The following DNM1 variants were observed in gnomAD, a reference collection of about 807,000 sequenced individuals.
DNM1 encodes the protein dynamin-1.
In DNM1, 29 loss-of-function variants were observed where a neutral mutation model predicts 104.6. The observed-to-expected ratio is 0.28, with a 90% CI of 0.21 to 0.38. The LOEUF is 0.38. DNM1 is among the 10% of genes least tolerant of loss of function. The pLI is 1.00. For missense variants in DNM1, 640 were observed against 1,189.4 expected (o/e 0.54, Z 6.79); for synonymous variants, 445 against 475.8 (o/e 0.94, Z 0.84).
chr9:128,243,390 G>GA lies in DNM1; in HGVS notation c.1671+1045_1671+1046insA, dbSNP rs747828418. 1.5e-5 allele frequency among the ~76,000 whole-genome samples: 2 copies of GA among 129,430 alleles called. No homozygotes were observed. Among genetic ancestry groups the GA allele is most frequent in the Admixed American group, 8.2e-5 (1 of 12,156 alleles). 84.9% of individuals were successfully genotyped at this position (129,430 alleles called of 152,430 possible). A position where few individuals can be genotyped will look rare whatever the true frequency, so the allele number is the denominator to read the frequency against. The stretch of plus-strand genomic sequence containing the variant: ...TGTTGGAGGCTACAGCATCCTCAAC[G>GA]GGGGAGCGGGGCTCTGGGTGGGGCC... On this transcript the variant is annotated intron_variant, in intron 15 of 21. Transcript: ENST00000372923. The surrounding 1 kb of genome is among the most constrained non-coding windows in gnomAD (Gnocchi z 4.0).
chr9:128,242,631 G>C (rs1263417163), intron 15 of DNM1, among the ~76,000 whole-genome samples: 1 of 152,104 alleles, frequency 6.6e-6, no homozygotes, highest in Non-Finnish European at 1.5e-5. Context: ...GTGTTGGCGG[G>C]CGCCTGTAAT....
intron 14 of DNM1, among the ~76,000 whole-genome samples, chr9:128,241,864 A>G (rs560787120): frequency 6.6e-6 from 1 of 152,220 alleles, no homozygotes; most frequent in Admixed American, 6.5e-5. Flanking sequence ...TCAGAAACAC[A>G]TCTCAGAACA....
chr9:128,205,180 G>A (rs1033958474), intron 1 of DNM1, among the ~76,000 whole-genome samples: 3 of 152,150 alleles, frequency 2.0e-5, no homozygotes, highest in Non-Finnish European at 4.4e-5. Context: ...GACACACCAC[G>A]GGCCCCTTCC....
intron 1 of DNM1, among the ~76,000 whole-genome samples, chr9:128,210,844 TCTC>T (rs2131109759): frequency 6.6e-6 from 1 of 151,712 alleles, no homozygotes; most frequent in East Asian, 1.9e-4. Context: ...CACCTCAGTG[TCTC>T]CTCCTCTCCT....
chr9:128,246,603 AG>A (rs1437190013), intron 16 of DNM1, 100 bp downstream of exon 16: 3 of 796,020 alleles, frequency 3.8e-6, no homozygotes, highest in Non-Finnish European at 6.4e-6. Context: ...AACCTCCCCT[AG>A]GCCCCACAGC....
In DNM1 at chr9:128,218,595, C is replaced by G; in HGVS notation, c.249C>G (p.Phe83Leu). ...CTTCTGGAGCAGAATATGCCGAGTT[C>G]CTGCACTGCAAGGGAAAGAAATTCA... ...LVNATTEYAE[F>L]LHCKGKKFTD... The change falls in exon 3 of 22, where the codon TTC becomes TTG. Residue 83 changes from phenylalanine to leucine, a missense_variant. Around this residue, in one of 7 missense-constraint regions of DNM1, gnomAD observed 172 missense variants for 335.3 expected, o/e 0.51. Coordinates refer to ENST00000372923, the MANE Select transcript of DNM1 (RefSeq NM_004408.4). This position sits in a 1 kb window ranked among gnomAD's most constrained non-coding sequence, Gnocchi z 4.8. 6.2e-7 allele frequency: 1 copy of G among 1,612,174 alleles called. No homozygotes were observed. Among genetic ancestry groups the G allele is most frequent in the Non-Finnish European group, 8.5e-7 (1 of 1,178,562 alleles).
chr9:128,222,931 G>T lies in DNM1; in HGVS notation c.1196+71G>T. On this transcript the variant is annotated intron_variant, in intron 9 of 21. Transcript: ENST00000372923. The surrounding 1 kb of genome is among the most constrained non-coding windows in gnomAD (Gnocchi z 7.8). ...GGTCTGGGACAGAGGCACAGGGAGT[G>T]ATGAAGTGGGCCTCCCTCAGGAAGG... 1 of 1,426,582 alleles carries T rather than the reference G, an allele frequency of 7.0e-7. No homozygotes were observed. The highest frequency in any genetic ancestry group is 1.2e-5 in the South Asian group (1 of 86,894). The allele number at this position is 1,426,582 out of a possible 1,614,324, so 88.4% of individuals were successfully genotyped here. A position where few individuals can be genotyped will look rare whatever the true frequency, so the allele number is the denominator to read the frequency against.
intron 20 of DNM1, 90 bp from the exon 21 acceptor site, chr9:128,250,635 C>T (rs1389961234): frequency 1.7e-6 from 2 of 1,165,118 alleles, no homozygotes; most frequent in Non-Finnish European, 2.3e-6. Flanking sequence ...CGTGCATGGG[C>T]GTGGCCAGCA....
rs1375813693 is a variant in DNM1, at chr9:128,203,751, G to A, written c.161+120G>A. Reference sequence around the variant, plus strand: ...CCGACGCTGCACCCGCGGCCGGCGCGCCCCCCACCCCCAGCCGGAGCGAGG... The same window carrying A: ...CCGACGCTGCACCCGCGGCCGGCGCACCCCCCACCCCCAGCCGGAGCGAGG... On this transcript the variant is annotated intron_variant, in intron 1 of 21. Transcript: ENST00000372923. This position sits in a 1 kb window ranked among gnomAD's most constrained non-coding sequence, Gnocchi z 5.3. 5.6e-5 allele frequency: 52 copies of A among 930,614 alleles called. No homozygotes were observed. The highest frequency in any genetic ancestry group is 7.8e-5 in the South Asian group (2 of 25,648). The allele number at this position is 930,614 out of a possible 1,614,324, so 57.6% of individuals were successfully genotyped here. A position where few individuals can be genotyped will look rare whatever the true frequency, so the allele number is the denominator to read the frequency against.
intron 1 of DNM1, among the ~76,000 whole-genome samples, chr9:128,206,511 A>C (rs1474500044): frequency 1.3e-5 from 2 of 152,120 alleles, no homozygotes; most frequent in African/African-American, 4.8e-5. Flanking sequence ...AGACAACTGG[A>C]AAATGTGGTG....
chr9:128,211,703 T>C (rs1364694458), intron 1 of DNM1, among the ~76,000 whole-genome samples: 1 of 152,076 alleles, frequency 6.6e-6, no homozygotes, highest in East Asian at 1.9e-4. Context: ...TGTCTTCCTC[T>C]TTCACTGGGT....
chr9:128,221,031 T>TTCTTTCTCTCTTTCTTTCTC (rs751060422), intron 6 of DNM1: 1 of 140,054 alleles, frequency 7.1e-6, no homozygotes, highest in Non-Finnish European at 1.5e-5. Flanking sequence ...TTCTCTTTCT[T>TTCTTTCTCTCTTTCTTTCTC]TCTTTCTCTC....
chr9:128,220,742 C>CACGCGCGT lies in DNM1; in HGVS notation c.849+401_849+402insACGCGCGT, dbSNP rs1554773803. Among the ~76,000 whole-genome samples, 2 of 136,278 alleles carry CACGCGCGT rather than the reference C, an allele frequency of 1.5e-5. No homozygotes were observed. The highest frequency in any genetic ancestry group is 3.2e-5 in the Non-Finnish European group (2 of 63,298). 89.4% of individuals were successfully genotyped at this position (136,278 alleles called of 152,430 possible). ...CAGAACTGAAGTGCGCGCGCGCGCG[C>CACGCGCGT]GTGTGTGTGTGTGTGTGTGTGTGTG... On this transcript the variant is annotated intron_variant, in intron 6 of 21. Transcript: ENST00000372923. The surrounding 1 kb of genome is among the most constrained non-coding windows in gnomAD (Gnocchi z 5.2).
intron 15 of DNM1, chr9:128,244,833 C>T (rs766974849): frequency 7.5e-6 from 4 of 530,680 alleles, no homozygotes; most frequent in South Asian, 4.2e-5. Flanking sequence ...TCCTCTGGTC[C>T]ATCCAGGCAG....
At chr9:128,233,175 T>C (rs1042195673) in intron 10 of DNM1, among the ~76,000 whole-genome samples, 6 of 152,080 alleles carry the variant, frequency 3.9e-5, no homozygotes, top group Non-Finnish European at 4.4e-5. Context: ...CCTCCCTTCA[T>C]AAGAACTGGG....
intron 1 of DNM1, among the ~76,000 whole-genome samples, chr9:128,205,898 C>T (rs1024757939): frequency 2.0e-5 from 3 of 152,104 alleles, no homozygotes; most frequent in Non-Finnish European, 4.4e-5. Flanking sequence ...CTCTGGCTGC[C>T]CTCTCCACCC....
chr9:128,254,556 G>A lies in DNM1; in HGVS notation c.2535-98G>A. 1.3e-6 allele frequency: 2 copies of A among 1,574,264 alleles called. No homozygotes were observed. Among genetic ancestry groups the A allele is most frequent in the Admixed American group, 1.8e-5 (1 of 56,910 alleles). On this transcript the variant is annotated intron_variant, in intron 21 of 21. Transcript: ENST00000372923. This position sits in a 1 kb window ranked among gnomAD's most constrained non-coding sequence, Gnocchi z 6.1. ...CCTCCCCGGCCCTCCCACCACTGCT[G>A]CGGCGCGGCCGGCCCCGGCCGTGTG...
chr9:128,240,050 A>C lies in DNM1; in HGVS notation c.1557+54A>C. 1 of 1,606,766 alleles carries C rather than the reference A, an allele frequency of 6.2e-7. No homozygotes were observed. Among genetic ancestry groups the C allele is most frequent in the East Asian group, 2.2e-5 (1 of 44,842 alleles). ...TGTGTAGTGAGGGGGCGGAGGGTCC[A>C]TCGGCAGTGGGGATCTGCAACGGGT... On this transcript the variant is annotated intron_variant, in intron 14 of 21. Coordinates refer to ENST00000372923, the MANE Select transcript of DNM1 (RefSeq NM_004408.4). The surrounding 1 kb of genome is among the most constrained non-coding windows in gnomAD (Gnocchi z 5.1).
intron 10 of DNM1, chr9:128,226,227 C>T: frequency 6.2e-7 from 1 of 1,604,534 alleles, no homozygotes; most frequent in Non-Finnish European, 8.5e-7. Context: ...CTTGTGGCCA[C>T]AGCCTCCCGT....
Sources: gnomAD v4.1 joint callset for allele counts (sites outside exome capture counted in the v4.1 genomes callset) on GRCh38, gnomAD v4.1.1 for gene constraint, gnomAD v4.1.1 regional missense constraint, Gnocchi (gnomAD v3.1) non-coding constraint, MANE v1.5 for transcripts, NCBI Gene and HGNC (gene_info 2026-07-23, HGNC 2026-07-21) for gene names.